The following ATP11A variants were observed in gnomAD, a reference collection of about 807,000 sequenced individuals.
ATP11A encodes the protein phospholipid-transporting ATPase IH.
A neutral mutation model predicts 154.4 loss-of-function variants in ATP11A; 81 were observed. The observed-to-expected ratio is 0.52, with a 90% CI of 0.44 to 0.63. The LOEUF is 0.63. ATP11A is among the 30% of genes least tolerant of loss of function. The probability of loss-of-function intolerance (pLI) is 0.00; values close to 1 mark genes in which losing one functional copy is unlikely to be tolerated. For synonymous variants in ATP11A, 623 were observed against 585.9 expected, an observed-to-expected ratio of 1.06 and a Z score of -0.91; for missense variants, 1,316 against 1,474.3, an observed-to-expected ratio of 0.89 and a Z score of 1.76.
chr13:112,809,830 C>T lies in ATP11A; in HGVS notation c.334-789C>T, dbSNP rs189547383. ...ATCTGTGTGCAGCATCTCCTATTGT[C>T]GCTTCTTTCAAGATGCCACCTGACT... On this transcript the variant is annotated intron_variant, in intron 4 of 29. Transcript: ENST00000375645. 1.3e-3 allele frequency among the ~76,000 whole-genome samples: 193 copies of T among 152,318 alleles called. 1 individual carries two copies. The highest frequency in any genetic ancestry group is 3.1e-3 in the Admixed American group (48 of 15,302).
chr13:112,851,293 G>A (rs1000710032), intron 18 of ATP11A, 75 bp downstream of exon 18: 22 of 1,466,672 alleles, frequency 1.5e-5, no homozygotes, highest in Non-Finnish European at 1.9e-5. Flanking sequence ...GTGTGAGGGC[G>A]AGTGGACGGG....
intron 4 of ATP11A, 112 bp downstream of exon 4, chr13:112,806,405 C>A: frequency 2.6e-6 from 2 of 781,738 alleles, no homozygotes; most frequent in Non-Finnish European, 2.1e-6. Flanking sequence ...AAAATTCAAC[C>A]AAGTTCTAGA....
chr13:112,831,270 C>G (rs904144801), intron 12 of ATP11A, 105 bp from the exon 13 acceptor site: 15 of 1,270,366 alleles, frequency 1.2e-5, no homozygotes, highest in Non-Finnish European at 1.5e-5. Flanking sequence ...ACCGCCTATT[C>G]AAGTCACAGT....
intron 29 of ATP11A, chr13:112,881,613 CAG>C (rs1333803989): frequency 8.4e-6 from 10 of 1,187,124 alleles, no homozygotes; most frequent in Non-Finnish European, 1.1e-5. Flanking sequence ...CATTCCTAGA[CAG>C]AGACCCCTCG....
chr13:112,873,555 T>TC lies in ATP11A; in HGVS notation c.3058-18_3058-17insC. The TC allele has an allele frequency of 8.0e-7, 1 of 1,257,756 alleles. No homozygotes were observed. The highest frequency in any genetic ancestry group is 1.1e-6 in the Non-Finnish European group (1 of 930,440). The allele number at this position is 1,257,756 out of a possible 1,614,324, so 77.9% of individuals were successfully genotyped here. A position where few individuals can be genotyped will look rare whatever the true frequency, so the allele number is the denominator to read the frequency against. On this transcript the variant is annotated splice_polypyrimidine_tract_variant and intron_variant, in intron 26 of 29. Coordinates refer to ENST00000375645, the MANE Select transcript of ATP11A (RefSeq NM_015205.3). ...GCTCAGATGACACCGTTAACTGCCCTTTTTTTTTTCCTTTTAGCTTGCATT... is the reference window on the plus strand; with the variant it reads ...GCTCAGATGACACCGTTAACTGCCCTCTTTTTTTTTCCTTTTAGCTTGCATT...
chr13:112,802,552 CA>C (rs35889771), intron 2 of ATP11A, among the ~76,000 whole-genome samples: 35,175 of 80,928 alleles, frequency 0.43, 4,275 homozygotes, highest in Non-Finnish European at 0.45. Context: ...ACTGGACATG[CA>C]AAAAAAAAAA....
chr13:112,725,670 C>T (rs914997923), intron 1 of ATP11A, among the ~76,000 whole-genome samples: 2 of 152,256 alleles, frequency 1.3e-5, no homozygotes, highest in Non-Finnish European at 2.9e-5. Flanking sequence ...TCCCATGCCC[C>T]AGCCAGTGAG....
intron 1 of ATP11A, among the ~76,000 whole-genome samples, chr13:112,750,687 C>G (rs1378268051): frequency 6.6e-6 from 1 of 152,248 alleles, no homozygotes; most frequent in East Asian, 1.9e-4. Flanking sequence ...TTTCAGTCCA[C>G]TTTGCTCACT....
chr13:112,706,367 G>A (rs1324273262), intron 1 of ATP11A, among the ~76,000 whole-genome samples: 1 of 152,332 alleles, frequency 6.6e-6, no homozygotes, highest in East Asian at 1.9e-4. Flanking sequence ...ATAAAAGCGT[G>A]ATGTTCAGCA....
At chr13:112,702,047 A>G (rs1194984016) in intron 1 of ATP11A, among the ~76,000 whole-genome samples, 1 of 151,772 alleles carries the variant, frequency 6.6e-6, no homozygotes, top group Non-Finnish European at 1.5e-5. Context: ...AGAGTGTGCA[A>G]AAACACTCTT....
intron 2 of ATP11A, among the ~76,000 whole-genome samples, chr13:112,789,463 C>T (rs184387212): frequency 3.7e-5 from 5 of 133,650 alleles, no homozygotes; most frequent in South Asian, 2.5e-4. Context: ...TAGACCCTTG[C>T]GGAGACCTAC....
At chr13:112,818,633 C>G (rs2078712021) in intron 6 of ATP11A, among the ~76,000 whole-genome samples, 1 of 152,224 alleles carries the variant, frequency 6.6e-6, no homozygotes, top group African/African-American at 2.4e-5. Context: ...CTGGTGCTCA[C>G]AGATGCTACT....
chr13:112,758,841 T>A (rs1341355986), intron 1 of ATP11A, among the ~76,000 whole-genome samples: 1 of 152,222 alleles, frequency 6.6e-6, no homozygotes, highest in Non-Finnish European at 1.5e-5. Context: ...TCAGAACGGT[T>A]CATTACCGTG....
chr13:112,832,948 C>G lies in ATP11A; in HGVS notation c.1484C>G (p.Ser495Trp), dbSNP rs2140254731. The change falls in exon 14 of 30, where the codon TCG (serine) becomes TGG (tryptophan). Residue 495 changes from serine (S) to tryptophan (W), a missense_variant. Physicochemically the swap from Ser to Trp is radical, Grantham distance 177 (BLOSUM62 -3). Around this residue, in one of 5 missense-constraint regions of ATP11A, gnomAD observed 876 missense variants for 1,006.8 expected, o/e 0.87. Coordinates refer to ENST00000375645, the MANE Select transcript of ATP11A (RefSeq NM_015205.3). ...GACAGCGTAGACGGCCCCAGGAAATCGCCGGACGGGGGGAAATCCTGTGTG... is the reference window on the plus strand; with the variant it reads ...GACAGCGTAGACGGCCCCAGGAAATGGCCGGACGGGGGGAAATCCTGTGTG... ...DDDSVDGPRK[S>W]PDGGKSCVYI... 1.2e-6 allele frequency: 2 copies of G among 1,613,996 alleles called. No individual in the cohort carries two copies. The highest frequency in any genetic ancestry group is 2.7e-5 in the African/African-American group (2 of 75,052).
intron 25 of ATP11A, among the ~76,000 whole-genome samples, chr13:112,864,507 C>G (rs77236986): frequency 1.5e-4 from 11 of 72,534 alleles, no homozygotes; most frequent in South Asian, 4.9e-4. Context: ...TTCAGTGCAG[C>G]CCGTGCAGCT....
At chr13:112,733,089 G>A (rs1415150404) in intron 1 of ATP11A, among the ~76,000 whole-genome samples, 1 of 152,078 alleles carries the variant, frequency 6.6e-6, no homozygotes, top group Non-Finnish European at 1.5e-5. Flanking sequence ...TGTTAAATTG[G>A]GCATTAGAAG....
Position 112,690,324 on chromosome 13 carries a change from G to C in ATP11A, c.-93G>C. ...CGCGCCGAGGCCGTGACCGGAGCGG[G>C]GGGCGCGGCCGCACTAGTACCCCGG... On this transcript the variant is annotated 5_prime_UTR_variant, in exon 1 of 30. Coordinates refer to ENST00000375645, the MANE Select transcript of ATP11A (RefSeq NM_015205.3). The surrounding 1 kb of genome is among the most constrained non-coding windows in gnomAD (Gnocchi z 5.6). 1 of 1,015,484 alleles carries C rather than the reference G, an allele frequency of 9.8e-7. No homozygotes were observed. Among genetic ancestry groups the C allele is most frequent in the Non-Finnish European group, 1.2e-6 (1 of 808,712 alleles). 62.9% of individuals were successfully genotyped at this position (1,015,484 alleles called of 1,614,324 possible).
Position 112,845,816 on chromosome 13 carries a change from AGTCCAGTTGCC to A in ATP11A, c.1809+3439_1809+3449del, listed in dbSNP as rs1485389496. 2.6e-3 allele frequency among the ~76,000 whole-genome samples: 340 copies of A among 132,946 alleles called. 3 individuals carry two copies. Among genetic ancestry groups the A allele is most frequent in the Middle Eastern group, 0.012 (3 of 246 alleles). The allele number at this position is 132,946 out of a possible 152,430, so 87.2% of individuals were successfully genotyped here. A position where few individuals can be genotyped will look rare whatever the true frequency, so the allele number is the denominator to read the frequency against. ...TTTCCAGGCACTAGTGATACTAACC[AGTCCAGTTGCC>A]GGCACTAGCAGTACTAACCAGTCCA... On this transcript the variant is annotated intron_variant, in intron 17 of 29. Transcript: ENST00000375645.
At position 112,746,296 on chromosome 13, in the gene ATP11A, A is replaced by G. The variant is rs915442237; in HGVS notation, c.40-38839A>G. On this transcript the variant is annotated intron_variant, in intron 1 of 29. Coordinates refer to ENST00000375645, the MANE Select transcript of ATP11A (RefSeq NM_015205.3). This position sits in a 1 kb window ranked among gnomAD's most constrained non-coding sequence, Gnocchi z 4.1. ...AGCAGCCGTGTCGTTTCACACTTGC[A>G]CCAACAGTGCACAGGGCTCCGGTTC... The G allele has an allele frequency of 1.4e-5, 2 of 145,362 alleles. No homozygotes were observed. The highest frequency in any genetic ancestry group is 2.7e-5 in the African/African-American group (1 of 37,648). The allele number at this position is 145,362 out of a possible 1,614,324, so 9.0% of individuals were successfully genotyped here.
Sources: gnomAD v4.1 joint callset for allele counts (sites outside exome capture counted in the v4.1 genomes callset) on GRCh38, gnomAD v4.1.1 for gene constraint, gnomAD v4.1.1 regional missense constraint, Gnocchi (gnomAD v3.1) non-coding constraint, MANE v1.5 for transcripts, NCBI Gene and HGNC (gene_info 2026-07-23, HGNC 2026-07-21) for gene names.